PTPRD: variants seen among roughly 807,000 people sequenced by gnomAD.
PTPRD encodes protein tyrosine phosphatase receptor type D.
PTPRD carries 34 observed loss-of-function variants against 214.5 expected under a neutral mutation model. The ratio of observed to expected loss-of-function variants is 0.16; its 90% confidence interval spans 0.12 to 0.21. The LOEUF is 0.21. Ranked by LOEUF, PTPRD falls within the 10% of genes least tolerant of loss-of-function variation. The pLI is 1.00. For synonymous variants in PTPRD, 1,128 were observed against 845.7 expected (o/e 1.33, Z -5.79); for missense variants, 2,545 against 2,398.7 (o/e 1.06, Z -1.27).
chr9:9,378,754 T>C (rs1047767330), intron 9 of PTPRD, among the ~76,000 whole-genome samples: 3 of 152,124 alleles, frequency 2.0e-5, no homozygotes, highest in Non-Finnish European at 4.4e-5. Flanking sequence ...CACATTTCTC[T>C]AATGACATAT....
intron 36 of PTPRD, among the ~76,000 whole-genome samples, chr9:8,394,898 G>A (rs1310019776): frequency 6.6e-6 from 1 of 152,092 alleles, no homozygotes; most frequent in Non-Finnish European, 1.5e-5. Context: ...AGTGGTACTA[G>A]GTGGTCTGTC....
intron 3 of PTPRD, among the ~76,000 whole-genome samples, chr9:10,060,988 T>G (rs922900547): frequency 6.7e-6 from 1 of 149,212 alleles, no homozygotes; most frequent in Admixed American, 6.7e-5. Flanking sequence ...CTTCTTGCTT[T>G]CTTTCTTTCC....
At chr9:10,387,798 TAA>T (rs552150325) in intron 2 of PTPRD, among the ~76,000 whole-genome samples, 2 of 127,090 alleles carry the variant, frequency 1.6e-5, no homozygotes, top group Non-Finnish European at 3.3e-5. Flanking sequence ...GAATACGATT[TAA>T]AAAAAAAAAA....
At chr9:8,753,333 A>G (rs2093696525) in intron 11 of PTPRD, among the ~76,000 whole-genome samples, 1 of 152,232 alleles carries the variant, frequency 6.6e-6, no homozygotes, top group Non-Finnish European at 1.5e-5. Context: ...GATTTCACCA[A>G]GTACACTGAC....
chr9:8,338,695 A>T (rs1378692734), intron 43 of PTPRD, among the ~76,000 whole-genome samples: 1 of 152,054 alleles, frequency 6.6e-6, no homozygotes, highest in African/African-American at 2.4e-5. Flanking sequence ...GAGCTGCCAG[A>T]TGTTATGTTT....
At chr9:9,074,893 G>C (rs115235049) in intron 10 of PTPRD, among the ~76,000 whole-genome samples, 2,472 of 151,144 alleles carry the variant, frequency 0.016, 79 homozygotes, top group African/African-American at 0.057. Flanking sequence ...TTTAGTTTGG[G>C]AGGTATTTTG....
chr9:10,564,168 A>ACTCTTTTTTTTTTTTTTTTTTTTTT (rs2064896205), intron 2 of PTPRD, among the ~76,000 whole-genome samples: 1 of 11,880 alleles, frequency 8.4e-5, no homozygotes, highest in Non-Finnish European at 1.9e-4. Context: ...ACACTAGGCT[A>ACTCTTTTTTTTTTTTTTTTTTTTTT]TTCTTTTTTT....
At chr9:8,611,942 GA>G (rs2095465662) in intron 14 of PTPRD, among the ~76,000 whole-genome samples, 1 of 80,314 alleles carries the variant, frequency 1.2e-5, no homozygotes, top group Non-Finnish European at 2.3e-5. Context: ...GAAAAGAAAA[GA>G]AAAGAGAAAA....
At chr9:8,581,143 C>T (rs1052863142) in intron 14 of PTPRD, among the ~76,000 whole-genome samples, 14 of 151,488 alleles carry the variant, frequency 9.2e-5, no homozygotes, top group Admixed American at 6.6e-4. Flanking sequence ...AACAGAGAGT[C>T]AAGTTAAAGT....
intron 2 of PTPRD, among the ~76,000 whole-genome samples, chr9:10,552,825 G>T (rs1183251876): frequency 6.6e-6 from 1 of 152,144 alleles, no homozygotes; most frequent in Admixed American, 6.5e-5. Context: ...AACAGCACAG[G>T]TTGAGGCATT....
At chr9:10,298,834 C>G (rs1313835627) in intron 3 of PTPRD, among the ~76,000 whole-genome samples, 1 of 151,922 alleles carries the variant, frequency 6.6e-6, no homozygotes, top group Non-Finnish European at 1.5e-5. Flanking sequence ...CTTTATAAGG[C>G]TTTGTATATT....
intron 3 of PTPRD, among the ~76,000 whole-genome samples, chr9:10,084,796 A>G (rs1238737658): frequency 6.6e-6 from 1 of 151,966 alleles, no homozygotes; most frequent in East Asian, 1.9e-4. Flanking sequence ...TCAATAGTAG[A>G]CCAAATTTAG....
At chr9:9,648,260 A>G (rs772572597) in intron 7 of PTPRD, among the ~76,000 whole-genome samples, 4 of 152,168 alleles carry the variant, frequency 2.6e-5, no homozygotes, top group Non-Finnish European at 4.4e-5. Flanking sequence ...GAGCCAAAAA[A>G]ACATTTAGAG....
chr9:9,308,234 A>G (rs1957754676), intron 9 of PTPRD, among the ~76,000 whole-genome samples: 1 of 152,198 alleles, frequency 6.6e-6, no homozygotes, highest in African/African-American at 2.4e-5. Context: ...ATCACCAACT[A>G]ATGACACAGA....
intron 3 of PTPRD, among the ~76,000 whole-genome samples, chr9:10,048,625 G>GA (rs1380947731): frequency 6.6e-6 from 1 of 151,714 alleles, no homozygotes. Flanking sequence ...ACTGCTGGGG[G>GA]AAAAAAATCT....
chr9:10,281,691 T>G (rs1564999700), intron 3 of PTPRD, among the ~76,000 whole-genome samples: 1 of 152,186 alleles, frequency 6.6e-6, no homozygotes, highest in African/African-American at 2.4e-5. Flanking sequence ...ATACTAAAAT[T>G]GTTGAATCCT....
At chr9:10,041,529 T>A (rs2097296878) in intron 3 of PTPRD, among the ~76,000 whole-genome samples, 1 of 151,834 alleles carries the variant, frequency 6.6e-6, no homozygotes. Context: ...TTTTATTTTC[T>A]ACTGTATAAA....
intron 11 of PTPRD, among the ~76,000 whole-genome samples, chr9:8,935,414 A>G (rs1159407586): frequency 1.7e-4 from 6 of 35,088 alleles, no homozygotes; most frequent in Non-Finnish European, 3.2e-4. Flanking sequence ...GTGAATCGAA[A>G]GATCTGTACA....
At chr9:10,306,314 A>G (rs1251628723) in intron 3 of PTPRD, among the ~76,000 whole-genome samples, 1 of 151,836 alleles carries the variant, frequency 6.6e-6, no homozygotes, top group East Asian at 1.9e-4. Context: ...TAGGAGAAAC[A>G]CCTAATGTAG....
Sources: gnomAD v4.1 joint callset for allele counts (sites outside exome capture counted in the v4.1 genomes callset) on GRCh38, gnomAD v4.1.1 for gene constraint, MANE v1.5 for transcripts, NCBI Gene and HGNC (gene_info 2026-07-23, HGNC 2026-07-21) for gene names.